The following PAK3 variants were observed in gnomAD, a reference collection of about 807,000 sequenced individuals.
PAK3 encodes p21 (RAC1) activated kinase 3, also known as serine/threonine-protein kinase PAK 3.
Under a neutral mutation model 41.0 loss-of-function variants are expected in PAK3, and 4 were observed. The ratio of observed to expected loss-of-function variants is 0.10; its 90% CI spans 0.05 to 0.22. PAK3 has a LOEUF of 0.22. Among genes scored for constraint, PAK3 ranks in the 10% least tolerant of loss-of-function variants. PAK3 has a pLI of 1.00. For synonymous variants in PAK3, 146 were observed against 139.6 expected (o/e 1.05, Z -0.32); for missense variants, 205 against 409.9 (o/e 0.50, Z 4.32).
chrX:111,169,296 A>G, intron 10 of PAK3: 1 of 206,454 alleles, frequency 4.8e-6, no homozygotes, highest in Non-Finnish European at 9.0e-6. Context: ...CAAGTGTTAC[A>G]TTGTGACCAA....
intron 1 of PAK3, among the ~76,000 whole-genome samples, chrX:110,997,047 T>C (rs554485124): frequency 2.1e-4 from 23 of 111,984 alleles, no homozygotes; most frequent in African/African-American, 7.1e-4. Flanking sequence ...GCTATTTGGA[T>C]GACGAACTTT....
chrX:110,980,100 C>T (rs1414551385), intron 1 of PAK3, among the ~76,000 whole-genome samples: 1 of 112,218 alleles, frequency 8.9e-6, no homozygotes, highest in East Asian at 2.8e-4. Context: ...AGCAATCTCG[C>T]ATGTCAAAAT....
chrX:111,062,678 A>C (rs776484200), intron 1 of PAK3, among the ~76,000 whole-genome samples: 29 of 111,441 alleles, frequency 2.6e-4, no homozygotes, highest in Non-Finnish European at 5.3e-4. Flanking sequence ...GTCCAGGCTC[A>C]GCAGATCATA....
At chrX:111,149,416 G>A (rs2093995669) in intron 7 of PAK3, among the ~76,000 whole-genome samples, 1 of 112,211 alleles carries the variant, frequency 8.9e-6, no homozygotes, top group African/African-American at 3.2e-5. Flanking sequence ...CTCTGTGTGT[G>A]GGCTCTGAGC....
At chrX:111,186,665 C>G (rs2094513949) in intron 11 of PAK3, among the ~76,000 whole-genome samples, 1 of 111,548 alleles carries the variant, frequency 9.0e-6, no homozygotes, top group Non-Finnish European at 1.9e-5. Context: ...ACATTCAATG[C>G]TCATGAATAG....
intron 16 of PAK3, among the ~76,000 whole-genome samples, chrX:111,215,019 G>A (rs1164294508): frequency 9.0e-6 from 1 of 111,385 alleles, no homozygotes. Flanking sequence ...TCTCTGAGCT[G>A]TGGTGTAAAC....
chrX:111,046,561 A>G (rs943878475), intron 1 of PAK3, among the ~76,000 whole-genome samples: 2 of 111,595 alleles, frequency 1.8e-5, no homozygotes. Context: ...GTAGTTAAGA[A>G]CCAGACTACA....
At chrX:111,065,365 T>A (rs963524320) in intron 1 of PAK3, among the ~76,000 whole-genome samples, 2 of 111,203 alleles carry the variant, frequency 1.8e-5, no homozygotes, top group African/African-American at 6.5e-5. Flanking sequence ...TCACATTTAT[T>A]GATTTATGTC....
intron 17 of PAK3, 103 bp from the exon 18 acceptor site, chrX:111,220,255 T>C: frequency 1.8e-6 from 1 of 556,680 alleles, no homozygotes; most frequent in Non-Finnish European, 3.1e-6. Context: ...TAATTGGGTG[T>C]TCAAAATATA....
intron 1 of PAK3, among the ~76,000 whole-genome samples, chrX:111,039,642 A>G (rs1439056414): frequency 9.0e-6 from 1 of 111,635 alleles, no homozygotes; most frequent in Non-Finnish European, 1.9e-5. Flanking sequence ...GACCATGTAG[A>G]CAAAGGGCAG....
At chrX:111,116,515 T>A (rs2093466667) in intron 4 of PAK3, among the ~76,000 whole-genome samples, 1 of 112,195 alleles carries the variant, frequency 8.9e-6, no homozygotes, top group Non-Finnish European at 1.9e-5. Flanking sequence ...AGAAGTCATT[T>A]GAAAAATAAC....
intron 1 of PAK3, among the ~76,000 whole-genome samples, chrX:111,048,535 C>A (rs747304154): frequency 3.6e-5 from 4 of 111,264 alleles, no homozygotes; most frequent in Non-Finnish European, 7.5e-5. Flanking sequence ...CTTACCACAT[C>A]TGCACCAAAT....
At chrX:111,032,081 A>G (rs944698120) in intron 1 of PAK3, among the ~76,000 whole-genome samples, 10 of 112,016 alleles carry the variant, frequency 8.9e-5, no homozygotes, top group Non-Finnish European at 1.9e-4. Flanking sequence ...TAGTAATCTT[A>G]TATATTTAAT....
intron 11 of PAK3, among the ~76,000 whole-genome samples, chrX:111,189,373 T>C (rs1219444178): frequency 2.7e-5 from 3 of 112,050 alleles, no homozygotes; most frequent in Non-Finnish European, 5.6e-5. Context: ...TGAATAGTGC[T>C]GCAATGAACA....
At chrX:111,161,305 A>G (rs1379854718) in intron 8 of PAK3, among the ~76,000 whole-genome samples, 8 of 110,790 alleles carry the variant, frequency 7.2e-5, no homozygotes, top group African/African-American at 2.3e-4. Flanking sequence ...CCACTTTTTG[A>G]TGGGGTTGTT....
intron 1 of PAK3, among the ~76,000 whole-genome samples, chrX:110,959,151 G>C (rs1001136080): frequency 7.2e-5 from 8 of 111,849 alleles, no homozygotes; most frequent in Non-Finnish European, 1.3e-4. Context: ...GAATGTGTGG[G>C]CTAGGTCAGG....
intron 1 of PAK3, among the ~76,000 whole-genome samples, chrX:111,089,106 TAA>T (rs2092911286): frequency 8.9e-6 from 1 of 112,347 alleles, no homozygotes; most frequent in Non-Finnish European, 1.9e-5. Flanking sequence ...CAAGTCTGAA[TAA>T]AGTCAGTATT....
At chrX:110,976,822 A>G (rs991339084) in intron 1 of PAK3, among the ~76,000 whole-genome samples, 7 of 110,894 alleles carry the variant, frequency 6.3e-5, no homozygotes, top group Admixed American at 1.9e-4. Flanking sequence ...CATGGATAAA[A>G]CTGGAAACCA....
intron 1 of PAK3, among the ~76,000 whole-genome samples, chrX:111,004,673 G>A (rs1000510635): frequency 8.9e-6 from 1 of 112,071 alleles, no homozygotes; most frequent in Non-Finnish European, 1.9e-5. Context: ...TTACTGGCAG[G>A]CACCAAAATC....
Sources: allele counts gnomAD v4.1 joint callset (sites outside exome capture counted in the v4.1 genomes callset), GRCh38; gene constraint gnomAD v4.1.1; transcripts MANE v1.5; gene names NCBI Gene and HGNC (gene_info 2026-07-23, HGNC 2026-07-21).